NFAM1: variants seen among roughly 807,000 people sequenced by gnomAD.
NFAM1 encodes the protein NFAT activation molecule 1.
NFAM1 carries 17 observed loss-of-function variants against 29.0 expected under a neutral mutation model. The ratio of observed to expected loss-of-function variants is 0.59; its 90% CI spans 0.40 to 0.88. The LOEUF is 0.88. Among genes scored for constraint, NFAM1 ranks in the 40% least tolerant of loss-of-function variants. The pLI is 0.00. For missense variants in NFAM1, 324 were observed against 344.6 expected, an observed-to-expected ratio of 0.94 and a Z score of 0.47; for synonymous variants, 175 against 147.2, an observed-to-expected ratio of 1.19 and a Z score of -1.36.
At chr22:42,399,551 C>G (rs1344810179) in intron 3 of NFAM1, among the ~76,000 whole-genome samples, 1 of 151,954 alleles carries the variant, frequency 6.6e-6, no homozygotes, top group South Asian at 2.1e-4. Flanking sequence ...GTGGCGTGGC[C>G]GTGCTGGCTG....
chr22:42,436,407 C>A (rs1483285556), upstream of NFAM1, among the ~76,000 whole-genome samples: 4 of 152,120 alleles, frequency 2.6e-5, no homozygotes, highest in Non-Finnish European at 5.9e-5. Flanking sequence ...ACTCAGGGGC[C>A]GATCCACCCT....
At chr22:42,428,045 C>T (rs1026609484) in intron 1 of NFAM1, among the ~76,000 whole-genome samples, 2 of 152,240 alleles carry the variant, frequency 1.3e-5, no homozygotes, top group Admixed American at 1.3e-4. Context: ...TTCACCATGA[C>T]AGAGGAGACA....
intron 4 of NFAM1, among the ~76,000 whole-genome samples, chr22:42,395,290 A>G (rs1487245813): frequency 6.6e-6 from 1 of 152,016 alleles, no homozygotes; most frequent in Non-Finnish European, 1.5e-5. Context: ...CCTGGCCAAC[A>G]TGGCAAAACC....
chr22:42,430,536 A>T (rs1436960280), intron 1 of NFAM1, among the ~76,000 whole-genome samples: 2 of 123,328 alleles, frequency 1.6e-5, no homozygotes, highest in East Asian at 2.5e-4. Context: ...CTTCAGCCTG[A>T]GTGACAAGAG....
intron 1 of NFAM1, among the ~76,000 whole-genome samples, chr22:42,429,067 G>A (rs575396029): frequency 2.0e-5 from 3 of 152,214 alleles, no homozygotes; most frequent in Admixed American, 6.5e-5. Flanking sequence ...GGGAGGAGGA[G>A]GATGGCTGGG....
chr22:42,388,492 A>G lies in NFAM1; in HGVS notation c.664-1414T>C, dbSNP rs1307646822. On this transcript the variant is annotated intron_variant, in intron 4 of 5. Transcript: ENST00000329021. The surrounding 1 kb of genome is among the most constrained non-coding windows in gnomAD (Gnocchi z 4.1). ...CGGAGCAGAGCCCACCAACAGCCTA[A>G]GCAAGAGCAGAAGCCTTTCCTTCCT... Among the ~76,000 whole-genome samples, 2 of 152,148 alleles carry G rather than the reference A, an allele frequency of 1.3e-5. No individual in the cohort carries two copies. Among genetic ancestry groups the G allele is most frequent in the Non-Finnish European group, 2.9e-5 (2 of 68,024 alleles).
At chr22:42,418,366 T>C (rs922589961) in intron 1 of NFAM1, among the ~76,000 whole-genome samples, 1 of 152,180 alleles carries the variant, frequency 6.6e-6, no homozygotes, top group African/African-American at 2.4e-5. Flanking sequence ...GGGACAAGAA[T>C]GAGACAGGGA....
intron 4 of NFAM1, among the ~76,000 whole-genome samples, chr22:42,391,902 G>A (rs528636327): frequency 5.2e-4 from 71 of 136,514 alleles, no homozygotes; most frequent in Non-Finnish European, 9.9e-4. Flanking sequence ...CCGAGATCAC[G>A]CCACTGCACT....
chr22:42,387,020 G>A lies in NFAM1; in HGVS notation c.722C>T (p.Ser241Leu), dbSNP rs1372217241. ...GAGGGGGCTCTGCTTGGCGGTGGGT[G>A]AGCTGCCATCCTCATTCTCGATGCA... is the stretch of plus-strand genomic sequence containing the variant. ...YACIENEDGS[S>L]PTAKQSPLSQ... Residue 241 changes from serine (S) to leucine (L), a missense_variant, in exon 5 of 6, where the codon TCA (serine) becomes TTA (leucine). Ser to Leu is a moderately radical substitution (Grantham distance 145). Coordinates refer to ENST00000329021, the MANE Select transcript of NFAM1 (RefSeq NM_145912.8). The A allele has an allele frequency of 8.9e-6, 14 of 1,581,778 alleles. No homozygotes were observed. Among genetic ancestry groups the A allele is most frequent in the Non-Finnish European group, 1.2e-5 (14 of 1,164,476 alleles).
At chr22:42,435,812 CTTCTTTT>C (rs1371542869), upstream of NFAM1, among the ~76,000 whole-genome samples, 1 of 133,170 alleles carries the variant, frequency 7.5e-6, no homozygotes, top group African/African-American at 3.3e-5. Context: ...TCCTTTTCTT[CTTCTTTT>C]TTTTTTTTTT....
upstream of NFAM1, among the ~76,000 whole-genome samples, chr22:42,435,811 TCTTC>T (rs1930924692): frequency 7.2e-6 from 1 of 138,762 alleles, no homozygotes; most frequent in African/African-American, 3.2e-5. Context: ...TTCCTTTTCT[TCTTC>T]TTTTTTTTTT....
intron 1 of NFAM1, among the ~76,000 whole-genome samples, chr22:42,429,616 AAAAT>A (rs900833563): frequency 3.3e-5 from 5 of 152,050 alleles, no homozygotes; most frequent in Non-Finnish European, 7.4e-5. Flanking sequence ...ACTCCGTCTC[AAAAT>A]AAATAAATAA....
intron 3 of NFAM1, 54 bp from the exon 4 acceptor site, chr22:42,398,010 C>T (rs56198699): frequency 4.4e-5 from 41 of 931,670 alleles, no homozygotes; most frequent in Non-Finnish European, 6.0e-5. Context: ...TCTTCCTCCC[C>T]GCACAGACCC....
chr22:42,409,430 C>G lies in NFAM1; in HGVS notation c.564+5G>C. 6.9e-7 allele frequency: 1 copy of G among 1,440,224 alleles called. No individual in the cohort carries two copies. Among genetic ancestry groups the G allele is most frequent in the Non-Finnish European group, 9.3e-7 (1 of 1,073,126 alleles). The allele number at this position is 1,440,224 out of a possible 1,614,324, so 89.2% of individuals were successfully genotyped here. On this transcript the variant is annotated splice_donor_5th_base_variant and intron_variant, in intron 3 of 5. Transcript: ENST00000329021. This position sits in a 1 kb window ranked among gnomAD's most constrained non-coding sequence, Gnocchi z 4.9. ...GCTGCATGGCTGTGAGCACTGATCC[C>G]GTACCTTGTTCCAGAGCAGCAGGGC...
chr22:42,421,587 A>C (rs1303497810), intron 1 of NFAM1, among the ~76,000 whole-genome samples: 1 of 151,958 alleles, frequency 6.6e-6, no homozygotes, highest in Non-Finnish European at 1.5e-5. Context: ...TCCCACCACC[A>C]AGTCATGGGC....
Position 42,384,809 on chromosome 22 carries a change from G to C in NFAM1, c.*352C>G, listed in dbSNP as rs1002691580. 6 of 360,442 alleles carry C rather than the reference G, an allele frequency of 1.7e-5. No individual in the cohort carries two copies. Among genetic ancestry groups the C allele is most frequent in the African/African-American group, 6.3e-5 (3 of 47,940 alleles). The allele number at this position is 360,442 out of a possible 1,614,324, so 22.3% of individuals were successfully genotyped here. ...GCTGAGGTGCAGGCTGGTGCCAAGA[G>C]AGCATGCTGCTCTGTCAGCATGAGG... On this transcript the variant is annotated 3_prime_UTR_variant, in exon 6 of 6. Coordinates refer to ENST00000329021, the MANE Select transcript of NFAM1 (RefSeq NM_145912.8).
intron 1 of NFAM1, among the ~76,000 whole-genome samples, chr22:42,420,767 C>CACAA (rs891338644): frequency 3.5e-4 from 54 of 152,212 alleles, no homozygotes; most frequent in Non-Finnish European, 4.4e-4. Context: ...GAGACTCTGT[C>CACAA]ACAAACAAAC....
At chr22:42,408,902 T>C (rs1298171762) in intron 3 of NFAM1, among the ~76,000 whole-genome samples, 1 of 152,208 alleles carries the variant, frequency 6.6e-6, no homozygotes, top group African/African-American at 2.4e-5. Flanking sequence ...ACAACGTCTC[T>C]GAGCCTGACC....
At chr22:42,431,775 T>TCCCCCCCCCCCCC (rs34684252) in intron 1 of NFAM1, among the ~76,000 whole-genome samples, 5 of 146,808 alleles carry the variant, frequency 3.4e-5, no homozygotes, top group Middle Eastern at 3.4e-3. Flanking sequence ...GGCCCTGGTA[T>TCCCCCCCCCCCCC]CCCCCCCTCC....
Sources: gnomAD v4.1 joint callset for allele counts (sites outside exome capture counted in the v4.1 genomes callset) on GRCh38, gnomAD v4.1.1 for gene constraint, Gnocchi (gnomAD v3.1) non-coding constraint, MANE v1.5 for transcripts, NCBI Gene and HGNC (gene_info 2026-07-23, HGNC 2026-07-21) for gene names.